The following MAP1S variants were observed in gnomAD, a reference collection of about 807,000 sequenced individuals.
The protein encoded by MAP1S is microtubule associated protein 1S, also known as microtubule-associated protein 1S.
A neutral mutation model predicts 60.9 loss-of-function variants in MAP1S; 27 were observed. The ratio of observed to expected loss-of-function variants is 0.44; its 90% CI spans 0.33 to 0.61. The LOEUF (loss-of-function observed/expected upper bound fraction) is 0.61, where lower values mean the gene tolerates loss of function less well. Ranked by LOEUF, MAP1S falls within the 20% of genes least tolerant of loss-of-function variation. The pLI is 0.03. For synonymous variants in MAP1S, 826 were observed against 694.2 expected (o/e 1.19, Z -2.98); for missense variants, 1,608 against 1,486.6 (o/e 1.08, Z -1.34).
chr19:17,733,136 T>A, intron 5 of MAP1S, 57 bp from the exon 6 acceptor site: 1 of 1,247,624 alleles, frequency 8.0e-7, no homozygotes, highest in Non-Finnish European at 1.1e-6. Context: ...ACTTGGAGCC[T>A]CGGCCCCTCC....
rs746283276 is a variant in MAP1S at position 17,727,566 on chromosome 19, C to T, written c.2182C>T (p.Arg728Cys). 1.2e-5 allele frequency: 20 copies of T among 1,607,224 alleles called. No homozygotes were observed. Among genetic ancestry groups the T allele is most frequent in the Admixed American group, 1.0e-4 (6 of 59,948 alleles). ...SLPLRGPRAR[R>C]SASPHDVDLC... ...CCCGCTGCGTGGCCCCCGGGCGCGG[C>T]GCTCGGCTTCCCCACACGATGTGGA... Residue 728 changes from arginine (R) to cysteine (C), a missense_variant, in exon 5 of 7, where the codon CGC becomes TGC. Transcript: ENST00000324096. This position sits in a 1 kb window ranked among gnomAD's most constrained non-coding sequence, Gnocchi z 4.1.
At chr19:17,734,064 T>C (rs2080517194) in intron 6 of MAP1S, among the ~76,000 whole-genome samples, 1 of 152,162 alleles carries the variant, frequency 6.6e-6, no homozygotes. Flanking sequence ...GAGAAGGCTC[T>C]TTGGGTGCTG....
Position 17,726,179 on chromosome 19 carries a change from C to G in MAP1S, c.795C>G (p.Val265=). The G allele has an allele frequency of 6.2e-7, 1 of 1,612,916 alleles. No individual in the cohort carries two copies. The highest frequency in any genetic ancestry group is 8.5e-7 in the Non-Finnish European group (1 of 1,179,592). ...CCGTCAATGGCTTCACTGTGCTGGT[C>G]AACGGTGGCTCAAACCCCAAGTCCA... ...FFAVNGFTVL[V]NGGSNPKSSF... Residue 265 remains valine (V), a synonymous_variant, in exon 5 of 7, where the codon GTC becomes GTG. Coordinates refer to ENST00000324096, the MANE Select transcript of MAP1S (RefSeq NM_018174.6).
intron 5 of MAP1S, among the ~76,000 whole-genome samples, chr19:17,731,633 T>C (rs1409349727): frequency 6.6e-6 from 1 of 152,244 alleles, no homozygotes; most frequent in Non-Finnish European, 1.5e-5. Context: ...GTGTTTTGCC[T>C]GTGGACTTTG....
rs111421885 is a variant in MAP1S at position 17,727,109 on chromosome 19, G to T, written c.1725G>T (p.Pro575=). ...GCACGTCCCACTCTGGCTTCCCGCC[G>T]GTGGCAAATGGACCCCGCAGCCCGC... ...APSTSHSGFP[P]VANGPRSPPS... Residue 575 remains proline, a synonymous_variant, in exon 5 of 7, where the codon CCG becomes CCT. Transcript: ENST00000324096. The surrounding 1 kb of genome is among the most constrained non-coding windows in gnomAD (Gnocchi z 4.1). 819 of 1,600,296 alleles carry T rather than the reference G, an allele frequency of 5.1e-4. 3 individuals carry two copies. Among genetic ancestry groups the T allele is most frequent in the Middle Eastern group, 4.5e-3 (27 of 6,052 alleles).
In MAP1S at chr19:17,725,885, C is replaced by G; in HGVS notation, c.501C>G (p.Ile167Met). Reference sequence around the variant, plus strand: ...CTGTGCAGCCGCCCATACTCACCATCACCTGCCCCACCTTCGGTGACTGGG... The same window carrying G: ...CTGTGCAGCCGCCCATACTCACCATGACCTGCCCCACCTTCGGTGACTGGG... Reference protein sequence around the residue: ...PPPVQPPILTITCPTFGDWAQ... With the variant: ...PPPVQPPILTMTCPTFGDWAQ... The change falls in exon 5 of 7, where the codon ATC (isoleucine) becomes ATG (methionine). Residue 167 changes from isoleucine (I) to methionine (M), a missense_variant. This residue lies in a region of MAP1S where 320 missense variants were observed against 393.1 expected (regional missense o/e 0.81). Coordinates refer to ENST00000324096, the MANE Select transcript of MAP1S (RefSeq NM_018174.6). The surrounding 1 kb of genome is among the most constrained non-coding windows in gnomAD (Gnocchi z 4.2). The G allele has an allele frequency of 6.2e-7, 1 of 1,613,752 alleles. No homozygotes were observed. The highest frequency in any genetic ancestry group is 8.5e-7 in the Non-Finnish European group (1 of 1,180,002).
rs940914489 is a variant in MAP1S at position 17,725,942 on chromosome 19, G to A, written c.558G>A (p.Gln186=). ...TGGCACCCGCTGTGCCTGGCCTTCA[G>A]GGGGCGCTCCGGCTCCAGCTGCGGC... ...AQLAPAVPGL[Q]GALRLQLRLN... Residue 186 remains glutamine, a synonymous_variant, in exon 5 of 7, where the codon CAG becomes CAA. Coordinates refer to ENST00000324096, the MANE Select transcript of MAP1S (RefSeq NM_018174.6). The surrounding 1 kb of genome is among the most constrained non-coding windows in gnomAD (Gnocchi z 4.2). 9.3e-6 allele frequency: 15 copies of A among 1,613,420 alleles called. No homozygotes were observed. Among genetic ancestry groups the A allele is most frequent in the Non-Finnish European group, 1.2e-5 (14 of 1,179,826 alleles).
intron 2 of MAP1S, 131 bp from the exon 3 acceptor site, chr19:17,723,995 G>T (rs1475984048): frequency 6.0e-6 from 4 of 672,124 alleles, no homozygotes; most frequent in Non-Finnish European, 1.1e-5. Context: ...GCCTGGTCCT[G>T]ACCTGCAGCT....
chr19:17,724,022 A>G (rs2080394544), intron 2 of MAP1S, 104 bp from the exon 3 acceptor site: 6 of 804,340 alleles, frequency 7.5e-6, no homozygotes, highest in Non-Finnish European at 1.3e-5. Context: ...TGCGCCTGTT[A>G]ATCTCCATAT....
chr19:17,725,037 C>G lies in MAP1S; in HGVS notation c.304-12C>G, dbSNP rs2080404769. 6.2e-7 allele frequency: 1 copy of G among 1,613,996 alleles called. No individual in the cohort carries two copies. Among genetic ancestry groups the G allele is most frequent in the Non-Finnish European group, 8.5e-7 (1 of 1,180,020 alleles). On this transcript the variant is annotated splice_polypyrimidine_tract_variant and intron_variant, in intron 3 of 6. Coordinates refer to ENST00000324096, the MANE Select transcript of MAP1S (RefSeq NM_018174.6). The surrounding 1 kb of genome is among the most constrained non-coding windows in gnomAD (Gnocchi z 4.2). ...ACAGAACGGGTCCTTTAGTGTTCACCCCCTCCCTCAGCTCCGGAACCTTCT... is the reference window on the plus strand; with the variant it reads ...ACAGAACGGGTCCTTTAGTGTTCACGCCCTCCCTCAGCTCCGGAACCTTCT...
rs1396532894 is a variant in MAP1S at position 17,727,436 on chromosome 19, AGAGGTGGGCTCCCCGCACTCGACC to A, written c.2060_2083del (p.Gly687_Val694del). On this transcript the variant is annotated inframe_deletion, in exon 5 of 7. Transcript: ENST00000324096. This position sits in a 1 kb window ranked among gnomAD's most constrained non-coding sequence, Gnocchi z 4.1. ...CGGTGACCACGCCCTCACTACCCGC[AGAGGTGGGCTCCCCGCACTCGACC>A]GAGGTGGACGAGTCCCTGTCGGTGT... The A allele has an allele frequency of 1.2e-6, 2 of 1,603,134 alleles. No individual in the cohort carries two copies. The highest frequency in any genetic ancestry group is 3.4e-5 in the Admixed American group (2 of 58,608).
rs1287544497 is a variant in MAP1S at position 17,726,566 on chromosome 19, C to A, written c.1182C>A (p.Asp394Glu). Residue 394 changes from aspartate (D) to glutamate (E), a missense_variant, in exon 5 of 7, where the codon GAC becomes GAA. Asp to Glu is a conservative substitution (Grantham distance 45, BLOSUM62 2). Transcript: ENST00000324096. ...LFEKMGVGRL[D>E]MYVLHPPSAG... ...AGAAGATGGGCGTGGGCCGGCTGGACATGTATGTGCTGCACCCGCCCTCCG... is the reference window on the plus strand; with the variant it reads ...AGAAGATGGGCGTGGGCCGGCTGGAAATGTATGTGCTGCACCCGCCCTCCG... 1.3e-6 allele frequency: 2 copies of A among 1,574,700 alleles called. No individual in the cohort carries two copies. Among genetic ancestry groups the A allele is most frequent in the Non-Finnish European group, 1.7e-6 (2 of 1,165,528 alleles).
rs1270750525 is a variant in MAP1S, at chr19:17,719,526, G to C, written c.24G>C (p.Gly8=). The change falls in exon 1 of 7, where the codon GGG becomes GGC. Residue 8 remains glycine, a synonymous_variant. Transcript: ENST00000324096. The stretch of plus-strand genomic sequence containing the variant: ...AGATGGCGGCGGTGGCTGGATCTGG[G>C]GCTGCCGCGGCTCCGAGCTCACTGC... The part of the protein sequence containing the change: MAAVAGS[G]AAAAPSSLLL... 8.0e-7 allele frequency: 1 copy of C among 1,245,898 alleles called. No homozygotes were observed. Among genetic ancestry groups the C allele is most frequent in the African/African-American group, 1.6e-5 (1 of 64,398 alleles). The allele number at this position is 1,245,898 out of a possible 1,614,324, so 77.2% of individuals were successfully genotyped here.
At chr19:17,732,658 G>A (rs978394155) in intron 5 of MAP1S, among the ~76,000 whole-genome samples, 2 of 152,198 alleles carry the variant, frequency 1.3e-5, no homozygotes, top group African/African-American at 4.8e-5. Context: ...TGCCCATGAG[G>A]TTCTGTTAAA....
chr19:17,727,326 G>T lies in MAP1S; in HGVS notation c.1942G>T (p.Ala648Ser), dbSNP rs367755352. ...CTCCCCTGAGTCCCACCGGAGCCCC[G>T]CAGAGGGCAGCGAGCGGCTGTCGCT... The part of the protein sequence containing the change: ...TPSPESHRSP[A>S]EGSERLSLSP... Residue 648 changes from alanine (A) to serine (S), a missense_variant, in exon 5 of 7, where the codon GCA (alanine) becomes TCA (serine). Physicochemically the swap from Ala to Ser is moderately conservative, Grantham distance 99. Transcript: ENST00000324096. The surrounding 1 kb of genome is among the most constrained non-coding windows in gnomAD (Gnocchi z 4.1). 3 of 1,590,534 alleles carry T rather than the reference G, an allele frequency of 1.9e-6. No individual in the cohort carries two copies. In the African/African-American group the frequency reaches 4.0e-5, roughly 21 times the overall value.
chr19:17,728,093 T>G lies in MAP1S; in HGVS notation c.2709T>G (p.Ser903Arg). The change falls in exon 5 of 7, where the codon AGT becomes AGG. Residue 903 changes from serine to arginine, a missense_variant. By Grantham distance (110) the Ser-to-Arg change is moderately radical. Transcript: ENST00000324096. ...CCAGCCGACCACTCAGTGCCCGGAG[T>G]GAGCCCAGTGAGAAGGGAGGCCGGG... ...DRASRPLSAR[S>R]EPSEKGGRAP... The G allele has an allele frequency of 1.2e-6, 2 of 1,611,978 alleles. No individual in the cohort carries two copies. Among genetic ancestry groups the G allele is most frequent in the Non-Finnish European group, 1.7e-6 (2 of 1,179,508 alleles).
chr19:17,726,513 G>T lies in MAP1S; in HGVS notation c.1129G>T (p.Val377Leu). 1 of 1,554,142 alleles carries T rather than the reference G, an allele frequency of 6.4e-7. No individual in the cohort carries two copies. The highest frequency in any genetic ancestry group is 8.7e-7 in the Non-Finnish European group (1 of 1,154,136). Reference protein sequence around the residue: ...ITPLPLSRGPVPAKPTVLFEK... With the variant: ...ITPLPLSRGPLPAKPTVLFEK... ...GCCTCTGCCACTCAGCCGCGGCCCC[G>T]TGCCAGCCAAACCCACCGTGCTCTT... The change falls in exon 5 of 7, where the codon GTG becomes TTG. Residue 377 changes from valine to leucine, a missense_variant. By Grantham distance (32) the Val-to-Leu change is conservative (BLOSUM62 1). Coordinates refer to ENST00000324096, the MANE Select transcript of MAP1S (RefSeq NM_018174.6).
chr19:17,726,665 G>T lies in MAP1S; in HGVS notation c.1281G>T (p.Val427=), dbSNP rs1250750521. 3.2e-6 allele frequency: 5 copies of T among 1,582,194 alleles called. No individual in the cohort carries two copies. The highest frequency in any genetic ancestry group is 4.3e-6 in the Non-Finnish European group (5 of 1,168,272). Residue 427 remains valine (V), a synonymous_variant, in exon 5 of 7, where the codon GTG becomes GTT. Coordinates refer to ENST00000324096, the MANE Select transcript of MAP1S (RefSeq NM_018174.6). ...ACCCCGCCGGCCCCGGCGAGAAGGTGGTGCGCGTGCTGTTCCCCGGTTGCA... is the reference window on the plus strand; with the variant it reads ...ACCCCGCCGGCCCCGGCGAGAAGGTTGTGCGCGTGCTGTTCCCCGGTTGCA... ...VWHPAGPGEK[V]VRVLFPGCTP...
At chr19:17,732,265 T>C (rs552695549) in intron 5 of MAP1S, among the ~76,000 whole-genome samples, 4 of 152,158 alleles carry the variant, frequency 2.6e-5, no homozygotes, top group Non-Finnish European at 5.9e-5. Context: ...GTCTTGGTAG[T>C]TTTTGTGTTT....
Sources: gnomAD v4.1 joint callset for allele counts (sites outside exome capture counted in the v4.1 genomes callset) on GRCh38, gnomAD v4.1.1 for gene constraint, gnomAD v4.1.1 regional missense constraint, Gnocchi (gnomAD v3.1) non-coding constraint, MANE v1.5 for transcripts, NCBI Gene and HGNC (gene_info 2026-07-23, HGNC 2026-07-21) for gene names.